The following VMP1 variants were observed in gnomAD, a reference collection of about 807,000 sequenced individuals.
VMP1 encodes ectopic P-granules autophagy protein 3 homolog.
A neutral mutation model predicts 56.0 loss-of-function variants in VMP1; 11 were observed. The observed-to-expected ratio is 0.20, with a 90% CI of 0.12 to 0.32. VMP1 has a LOEUF of 0.32. Ranked by LOEUF, VMP1 falls within the 10% of genes least tolerant of loss-of-function variation. VMP1 has a pLI of 1.00. For missense variants in VMP1, 296 were observed against 490.3 expected (o/e 0.60, Z 3.74); for synonymous variants, 149 against 165.0 (o/e 0.90, Z 0.74).
At chr17:59,777,453 T>C (rs1470939542) in intron 7 of VMP1, among the ~76,000 whole-genome samples, 1 of 151,870 alleles carries the variant, frequency 6.6e-6, no homozygotes, top group Non-Finnish European at 1.5e-5. Context: ...TTATAAGCAG[T>C]CTACTTTTTT....
intron 7 of VMP1, among the ~76,000 whole-genome samples, chr17:59,785,668 T>C (rs1020723890): frequency 2.8e-5 from 4 of 144,512 alleles, no homozygotes; most frequent in African/African-American, 1.0e-4. Context: ...CCAGCCTAGG[T>C]GACAGAGTGA....
At chr17:59,748,895 T>TTA (rs1282268125) in intron 5 of VMP1, among the ~76,000 whole-genome samples, 116 of 100,898 alleles carry the variant, frequency 1.1e-3, no homozygotes, top group African/African-American at 2.9e-3. Flanking sequence ...TTATTATTTA[T>TTA]TTTTTTTTTT....
intron 8 of VMP1, among the ~76,000 whole-genome samples, chr17:59,810,062 A>T (rs191858697): frequency 6.6e-6 from 1 of 152,228 alleles, no homozygotes; most frequent in African/African-American, 2.4e-5. Flanking sequence ...AGTTTCAAGT[A>T]TTAGTTACAA....
intron 10 of VMP1, among the ~76,000 whole-genome samples, chr17:59,819,556 C>G (rs1292132350): frequency 6.6e-6 from 1 of 152,176 alleles, no homozygotes; most frequent in Non-Finnish European, 1.5e-5. Flanking sequence ...CAGGTTAAAG[C>G]AATTCTTCTG....
intron 1 of VMP1, among the ~76,000 whole-genome samples, chr17:59,730,407 A>G (rs1009222974): frequency 1.3e-5 from 2 of 152,054 alleles, no homozygotes; most frequent in Non-Finnish European, 2.9e-5. Context: ...CTAGAACTAC[A>G]GGCATGGGTC....
intron 7 of VMP1, among the ~76,000 whole-genome samples, chr17:59,788,262 A>T (rs1446418807): frequency 1.4e-5 from 2 of 139,684 alleles, no homozygotes; most frequent in African/African-American, 5.3e-5. Context: ...GCTGAGGGGG[A>T]CGGATCACAA....
chr17:59,761,618 C>G (rs981962215), intron 5 of VMP1, among the ~76,000 whole-genome samples: 5 of 152,198 alleles, frequency 3.3e-5, no homozygotes, highest in South Asian at 2.1e-4. Flanking sequence ...AATGCTGAGT[C>G]TCTCTACTCT....
chr17:59,791,343 C>T (rs1053963500), intron 7 of VMP1, among the ~76,000 whole-genome samples: 9 of 152,032 alleles, frequency 5.9e-5, no homozygotes, highest in Non-Finnish European at 8.8e-5. Flanking sequence ...TGCCTGCCAC[C>T]GCGCTCAGCT....
intron 1 of VMP1, among the ~76,000 whole-genome samples, chr17:59,713,942 G>T (rs989066280): frequency 6.6e-6 from 1 of 150,738 alleles, no homozygotes; most frequent in African/African-American, 2.4e-5. Flanking sequence ...TAGGGAGGCT[G>T]AGGCATTAGA....
At chr17:59,728,498 T>C (rs2034694490) in intron 1 of VMP1, among the ~76,000 whole-genome samples, 1 of 152,172 alleles carries the variant, frequency 6.6e-6, no homozygotes, top group Non-Finnish European at 1.5e-5. Flanking sequence ...TATAAAAATT[T>C]GAGCCACTTG....
Position 59,719,080 on chromosome 17 carries a change from G to T in VMP1, c.-27+11332G>T, listed in dbSNP as rs141027387. On this transcript the variant is annotated intron_variant, in intron 1 of 11. Coordinates refer to ENST00000262291, the MANE Select transcript of VMP1 (RefSeq NM_030938.5). Reference sequence around the variant, plus strand: ...AAGTGGAAAACTATATCAAAGCCTCGTTTGTCAAGATATATTACTCAGATT... The same window carrying T: ...AAGTGGAAAACTATATCAAAGCCTCTTTTGTCAAGATATATTACTCAGATT... Among the ~76,000 whole-genome samples the T allele has an allele frequency of 3.9e-4, 60 of 152,122 alleles. 1 individual carries two copies. The South Asian group carries it at 0.012, about 29-fold the overall frequency.
intron 7 of VMP1, among the ~76,000 whole-genome samples, chr17:59,779,787 A>G (rs1293973734): frequency 1.3e-5 from 2 of 152,220 alleles, no homozygotes; most frequent in Admixed American, 1.3e-4. Context: ...AGCACACCCT[A>G]CATTGGCTAG....
chr17:59,795,428 G>T (rs2037404782), intron 7 of VMP1, among the ~76,000 whole-genome samples: 1 of 147,010 alleles, frequency 6.8e-6, no homozygotes, highest in African/African-American at 2.5e-5. Flanking sequence ...ATAATTTTTT[G>T]ATTTTTGATA....
chr17:59,773,238 G>A (rs2036501022), intron 6 of VMP1, among the ~76,000 whole-genome samples: 1 of 151,812 alleles, frequency 6.6e-6, no homozygotes. Flanking sequence ...GGGATTACAG[G>A]CGTGAGCCAC....
chr17:59,839,018 G>C (rs943436455), intron 11 of VMP1: 2 of 152,246 alleles, frequency 1.3e-5, no homozygotes, highest in African/African-American at 4.8e-5. Context: ...TTTTGAGACA[G>C]AATTTCGCTC....
chr17:59,787,348 A>G (rs994125102), intron 7 of VMP1, among the ~76,000 whole-genome samples: 3 of 151,988 alleles, frequency 2.0e-5, no homozygotes, highest in African/African-American at 7.3e-5. Context: ...AATTTCTTCT[A>G]TTTCTTTAAC....
intron 5 of VMP1, among the ~76,000 whole-genome samples, chr17:59,750,930 T>G (rs2143905244): frequency 7.1e-6 from 1 of 140,026 alleles, no homozygotes; most frequent in African/African-American, 2.7e-5. Context: ...TAGCACCTTT[T>G]TTTTTTTTTT....
intron 7 of VMP1, among the ~76,000 whole-genome samples, chr17:59,777,668 G>C (rs971513383): frequency 6.6e-6 from 1 of 151,990 alleles, no homozygotes; most frequent in African/African-American, 2.4e-5. Flanking sequence ...AAACAAATTA[G>C]CTGGGTGTGG....
At chr17:59,818,861 T>A (rs1441164668) in intron 10 of VMP1, among the ~76,000 whole-genome samples, 1 of 152,168 alleles carries the variant, frequency 6.6e-6, no homozygotes, top group African/African-American at 2.4e-5. Context: ...GGGGGAAATG[T>A]GTCAAGTTTA....
Sources: gnomAD v4.1 joint callset for allele counts (sites outside exome capture counted in the v4.1 genomes callset) on GRCh38, gnomAD v4.1.1 for gene constraint, MANE v1.5 for transcripts, NCBI Gene and HGNC (gene_info 2026-07-23, HGNC 2026-07-21) for gene names.